Variants in TMTC4 observed in about 807,000 individuals in gnomAD.
The protein encoded by TMTC4 is protein O-mannosyl-transferase TMTC4.
In TMTC4, 65 loss-of-function variants were observed where a neutral mutation model predicts 86.0. The observed-to-expected ratio is 0.76, with a 90% confidence interval of 0.62 to 0.93. The LOEUF (loss-of-function observed/expected upper bound fraction) is 0.93. TMTC4 is among the 40% of genes least tolerant of loss of function. The probability of loss-of-function intolerance (pLI) is 0.00; values close to 1 mark genes in which losing one functional copy is unlikely to be tolerated. For missense variants in TMTC4, 866 were observed against 948.1 expected, an observed-to-expected ratio of 0.91 and a Z score of 1.14; for synonymous variants, 379 against 382.5, an observed-to-expected ratio of 0.99 and a Z score of 0.11.
rs374909880 is a variant in TMTC4, at chr13:100,663,718, G to T, written c.335+503C>A. ...ATTCATCACTCCCATGCTCCTGTGG[G>T]ACGTCTACTCACAAGTGTTTAAATG... On this transcript the variant is annotated intron_variant, in intron 4 of 18. Transcript: ENST00000342624. 6.6e-5 allele frequency among the ~76,000 whole-genome samples: 10 copies of T among 152,218 alleles called. No homozygotes were observed. The East Asian group carries it at 1.2e-3, about 18-fold the overall frequency.
At chr13:100,634,414 CT>C (rs1455022701) in intron 12 of TMTC4, among the ~76,000 whole-genome samples, 1 of 152,066 alleles carries the variant, frequency 6.6e-6, no homozygotes, top group Non-Finnish European at 1.5e-5. Context: ...CTAGTTAATG[CT>C]ATCACTAGAG....
rs34662519 is a variant in TMTC4 at position 100,619,328 on chromosome 13, GACACACACACACACACAC to G, written c.1837-4916_1837-4899del. On this transcript the variant is annotated intron_variant, in intron 15 of 18. Transcript: ENST00000342624. The stretch of plus-strand genomic sequence containing the variant: ...TCAATTTGCATAGTTAATAAAAGCA[GACACACACACACACACAC>G]ACACACACACACACACACACACACA... Among the ~76,000 whole-genome samples the G allele has an allele frequency of 4.7e-4, 68 of 146,018 alleles. 1 individual carries two copies. The highest frequency in any genetic ancestry group is 3.7e-3 in the Admixed American group (55 of 14,720).
rs1418123515 is a variant in TMTC4, at chr13:100,662,990, CA to C, written c.525del (p.Phe175LeufsTer54). The C allele has an allele frequency of 1.9e-6, 3 of 1,614,028 alleles. No individual in the cohort carries two copies. Among genetic ancestry groups the C allele is most frequent in the Non-Finnish European group, 2.5e-6 (3 of 1,180,004 alleles). ...CACTCGGTGTGCACAGGATGGACAG[CA>C]AACAGCAGCGCGGCCAGCAGGGACG... is the stretch of plus-strand genomic sequence containing the variant. The part of the protein sequence containing the change: ...PRASLLAALL[F>X]AVHPVHTECV... On this transcript the variant is annotated frameshift_variant, in exon 5 of 19. Transcript: ENST00000342624. LOFTEE classifies it high-confidence loss of function.
intron 7 of TMTC4, among the ~76,000 whole-genome samples, chr13:100,641,738 T>C (rs1883045177): frequency 6.6e-6 from 1 of 152,110 alleles, no homozygotes; most frequent in Admixed American, 6.5e-5. Flanking sequence ...CTGCCCGCCT[T>C]GGCCTCCCAA....
At chr13:100,669,203 C>CTG (rs988619279) in intron 2 of TMTC4, among the ~76,000 whole-genome samples, 3 of 152,182 alleles carry the variant, frequency 2.0e-5, no homozygotes, top group Non-Finnish European at 4.4e-5. Flanking sequence ...TTTTAGCACA[C>CTG]TGTGTGTGTG....
intron 7 of TMTC4, among the ~76,000 whole-genome samples, chr13:100,641,942 A>C (rs1883068392): frequency 6.6e-6 from 1 of 152,182 alleles, no homozygotes; most frequent in African/African-American, 2.4e-5. Flanking sequence ...AGGGCCTCTC[A>C]AGAGCACTCA....
In TMTC4 at chr13:100,656,409, G is replaced by C. The variant is rs775686914; in HGVS notation, c.612C>G (p.Phe204Leu). ...LLCALFFLLS[F>L]LGYCKAFRES... The stretch of plus-strand genomic sequence containing the variant: ...CTCTAAATGCTTTACAGTAGCCAAG[G>C]AAAGATAACAAGAAGAACAGGGCAC... Residue 204 changes from phenylalanine to leucine, a missense_variant, in exon 6 of 19, where the codon TTC (phenylalanine) becomes TTG (leucine). Physicochemically the swap from Phe to Leu is conservative, Grantham distance 22. Transcript: ENST00000342624. 1.9e-6 allele frequency: 3 copies of C among 1,613,238 alleles called. No homozygotes were observed. The South Asian group carries it at 3.3e-5, about 18-fold the overall frequency.
At chr13:100,608,209 G>A (rs1357623098) in intron 17 of TMTC4, among the ~76,000 whole-genome samples, 1 of 152,146 alleles carries the variant, frequency 6.6e-6, no homozygotes, top group African/African-American at 2.4e-5. Context: ...CTGTGAGGAC[G>A]AACATCATTC....
At chr13:100,664,111 A>G in intron 4 of TMTC4, 110 bp downstream of exon 4, 1 of 904,248 alleles carries the variant, frequency 1.1e-6, no homozygotes, top group East Asian at 2.9e-5. Context: ...CCCCACCTGG[A>G]GCCACTGACT....
chr13:100,621,416 G>T (rs1243405566), intron 15 of TMTC4, among the ~76,000 whole-genome samples: 1 of 152,172 alleles, frequency 6.6e-6, no homozygotes, highest in East Asian at 1.9e-4. Context: ...GATGAAAGAA[G>T]AATTCTTTTT....
At chr13:100,669,300 G>A (rs541150262) in intron 2 of TMTC4, among the ~76,000 whole-genome samples, 1 of 152,298 alleles carries the variant, frequency 6.6e-6, no homozygotes, top group African/African-American at 2.4e-5. Flanking sequence ...ACAGGCCAGG[G>A]AGCTGAGACT....
rs570887419 is a variant in TMTC4, at chr13:100,612,277, T to C, written c.2064+121A>G. ...CAGGAAACAAACTGGCCAAGCCACA[T>C]TGGTGCACCACTGCCACTGTTTTGG... On this transcript the variant is annotated intron_variant, in intron 17 of 18. Coordinates refer to ENST00000342624, the MANE Select transcript of TMTC4 (RefSeq NM_032813.5). 102 of 746,126 alleles carry C rather than the reference T, an allele frequency of 1.4e-4. 1 individual carries two copies. Among genetic ancestry groups the C allele is most frequent in the South Asian group, 3.8e-4 (19 of 50,356 alleles). The allele number at this position is 746,126 out of a possible 1,614,324, so 46.2% of individuals were successfully genotyped here. A position where few individuals can be genotyped will look rare whatever the true frequency, so the allele number is the denominator to read the frequency against.
rs941330063 is a variant in TMTC4, at chr13:100,608,886, G to C, written c.2065-2459C>G. 2.6e-5 allele frequency among the ~76,000 whole-genome samples: 4 copies of C among 152,168 alleles called. No individual in the cohort carries two copies. The South Asian group carries it at 8.3e-4, about 31-fold the overall frequency. ...ACAAAATGTATTTAACAAAGGTGTA[G>C]GACTGAGAAAGCCTTGCAAATTATG... On this transcript the variant is annotated intron_variant, in intron 17 of 18. Transcript: ENST00000342624.
chr13:100,612,631 G>T, intron 16 of TMTC4, 121 bp from the exon 17 acceptor site: 32 of 578,370 alleles, frequency 5.5e-5, no homozygotes, highest in East Asian at 1.9e-4. Context: ...AACTACTTAA[G>T]AAAATCTGTG....
chr13:100,663,652 G>A (rs1377871266), intron 4 of TMTC4, among the ~76,000 whole-genome samples: 1 of 152,100 alleles, frequency 6.6e-6, no homozygotes, highest in East Asian at 1.9e-4. Flanking sequence ...CCGCTGGCAG[G>A]GATTCCTATT....
At chr13:100,630,997 C>T (rs190729331) in intron 12 of TMTC4, among the ~76,000 whole-genome samples, 1 of 152,332 alleles carries the variant, frequency 6.6e-6, no homozygotes, top group East Asian at 1.9e-4. Flanking sequence ...TAAAAAATAG[C>T]TGCCTAGATT....
intron 10 of TMTC4, 45 bp downstream of exon 10, chr13:100,636,487 C>T: frequency 6.2e-7 from 1 of 1,607,666 alleles, no homozygotes; most frequent in Non-Finnish European, 8.5e-7. Context: ...CAAAACGCTT[C>T]TGACTCAACC....
chr13:100,656,279 C>A (rs767151777), intron 6 of TMTC4, 102 bp downstream of exon 6: 14 of 950,750 alleles, frequency 1.5e-5, no homozygotes, highest in Non-Finnish European at 2.2e-5. Context: ...CTCAGAGTGA[C>A]ACACTCACAT....
chr13:100,671,643 C>A (rs1427562838), intron 1 of TMTC4, among the ~76,000 whole-genome samples: 1 of 152,134 alleles, frequency 6.6e-6, no homozygotes, highest in Non-Finnish European at 1.5e-5. Context: ...AGCAGGAAAC[C>A]TGGCCTACCT....
Sources: allele counts gnomAD v4.1 joint callset (sites outside exome capture counted in the v4.1 genomes callset), GRCh38; gene constraint gnomAD v4.1.1; transcripts MANE v1.5; gene names NCBI Gene and HGNC (gene_info 2026-07-23, HGNC 2026-07-21).